CHD5: variants seen among roughly 807,000 people sequenced by gnomAD.
The protein encoded by CHD5 is chromodomain helicase DNA binding protein 5.
Under a neutral mutation model 230.3 loss-of-function variants are expected in CHD5, and 69 were observed. The observed-to-expected ratio is 0.30, with a 90% CI of 0.25 to 0.37. The LOEUF (loss-of-function observed/expected upper bound fraction) is 0.37. CHD5 is among the 10% of genes least tolerant of loss of function. The probability of loss-of-function intolerance (pLI) is 1.00; values close to 1 mark genes in which losing one functional copy is unlikely to be tolerated. For missense variants in CHD5, 1,827 were observed against 2,622.8 expected, an observed-to-expected ratio of 0.70 and a Z score of 6.63; for synonymous variants, 1,064 against 1,065.9, an observed-to-expected ratio of 1.00 and a Z score of 0.03.
intron 31 of CHD5, among the ~76,000 whole-genome samples, chr1:6,122,405 G>A (rs1280422522): frequency 6.6e-5 from 10 of 152,298 alleles, no homozygotes; most frequent in Non-Finnish European, 1.0e-4. Flanking sequence ...AGCGTCCTTG[G>A]CATCAGGGAA....
intron 37 of CHD5, 131 bp downstream of exon 37, chr1:6,110,263 G>A (rs1666263988): frequency 2.8e-6 from 3 of 1,072,618 alleles, no homozygotes; most frequent in African/African-American, 3.1e-5. Context: ...TGGACATACT[G>A]CTGCTTCGTG....
intron 33 of CHD5, chr1:6,113,464 A>G: frequency 4.1e-6 from 1 of 243,914 alleles, no homozygotes; most frequent in Non-Finnish European, 8.6e-6. Flanking sequence ...CCAAGAAGAG[A>G]AGGAAATCAC....
rs756677443 is a variant in CHD5 at position 6,159,424 on chromosome 1, T to C, written c.299A>G (p.Lys100Arg). The change falls in exon 3 of 42, where the codon AAG (lysine) becomes AGG (arginine). Residue 100 changes from lysine to arginine, a missense_variant. Coordinates refer to ENST00000262450, the MANE Select transcript of CHD5 (RefSeq NM_015557.3). ...CTCCTTCTTGTCCTTGAGTTTCTTC[T>C]TCTTCTTTTTATTCGGGGAGTAGTC... is the stretch of plus-strand genomic sequence containing the variant. ...GSDYSPNKKK[K>R]KKLKDKKEKK... is the part of the protein sequence containing the mutation. 4.5e-6 allele frequency: 7 copies of C among 1,567,168 alleles called. No homozygotes were observed. In the South Asian group the frequency reaches 8.2e-5, roughly 18 times the overall value.
rs559359538 is a variant in CHD5 at position 6,123,922 on chromosome 1, C to T, written c.4699+26G>A. 2.7e-5 allele frequency: 38 copies of T among 1,420,868 alleles called. No individual in the cohort carries two copies. In the South Asian group the frequency reaches 5.9e-4, roughly 22 times the overall value. 88.0% of individuals were successfully genotyped at this position (1,420,868 alleles called of 1,614,324 possible). A position where few individuals can be genotyped will look rare whatever the true frequency, so the allele number is the denominator to read the frequency against. On this transcript the variant is annotated intron_variant, in intron 31 of 41. Transcript: ENST00000262450. ...TGCCACTTTCCATGACCCCAGTGCC[C>T]TCCCCGGCCCGCCCAGCCCACAGAC...
intron 1 of CHD5, among the ~76,000 whole-genome samples, chr1:6,171,034 G>A (rs1421844831): frequency 6.6e-6 from 1 of 152,256 alleles, no homozygotes; most frequent in Non-Finnish European, 1.5e-5. Context: ...AATCTCGAGG[G>A]GGGGCCTCTC....
At chr1:6,138,484 C>T (rs1167025861) in intron 15 of CHD5, among the ~76,000 whole-genome samples, 3 of 152,174 alleles carry the variant, frequency 2.0e-5, no homozygotes, top group Admixed American at 6.5e-5. Flanking sequence ...CATTTTGCAC[C>T]GGTCTCCCCC....
intron 36 of CHD5, 68 bp from the exon 37 acceptor site, chr1:6,110,594 C>CAGG (rs1223106860): frequency 5.5e-6 from 8 of 1,453,572 alleles, no homozygotes; most frequent in Middle Eastern, 2.4e-4. Context: ...GGAGGCAGCT[C>CAGG]AGGGAGGGGG....
chr1:6,147,553 G>A (rs72852042), intron 9 of CHD5, among the ~76,000 whole-genome samples: 4,537 of 152,296 alleles, frequency 0.03, 231 homozygotes, highest in African/African-American at 0.1. Context: ...ATGGGTGGGA[G>A]CAGCCTTGGC....
rs750236652 is a variant in CHD5 at position 6,179,925 on chromosome 1, C to T, written c.79+20G>A. On this transcript the variant is annotated intron_variant, in intron 1 of 41. Coordinates refer to ENST00000262450, the MANE Select transcript of CHD5 (RefSeq NM_015557.3). ...GCGCCCCCGCCGCTCTGGCCCCAGGCGCACCCGCGCCCCGCTCACCTGACA... is the reference window on the plus strand; with the variant it reads ...GCGCCCCCGCCGCTCTGGCCCCAGGTGCACCCGCGCCCCGCTCACCTGACA... 22 of 1,273,330 alleles carry T rather than the reference C, an allele frequency of 1.7e-5. No homozygotes were observed. In the South Asian group the frequency reaches 2.9e-4, roughly 17 times the overall value. 78.9% of individuals were successfully genotyped at this position (1,273,330 alleles called of 1,614,324 possible).
intron 17 of CHD5, among the ~76,000 whole-genome samples, chr1:6,136,015 A>T (rs1052378854): frequency 3.8e-5 from 4 of 105,268 alleles, no homozygotes; most frequent in Non-Finnish European, 6.2e-5. Flanking sequence ...TTCTTTTAAT[A>T]AAAAAAAACA....
At position 6,136,841 on chromosome 1, in the gene CHD5, C is replaced by T. The variant is rs764789004; in HGVS notation, c.2461G>A (p.Val821Met). 11 of 1,610,750 alleles carry T rather than the reference C, an allele frequency of 6.8e-6. No homozygotes were observed. Among genetic ancestry groups the T allele is most frequent in the African/African-American group, 1.3e-5 (1 of 74,820 alleles). The part of the protein sequence containing the change: ...MKKEVQIKFH[V>M]LLTSYELITI... The stretch of plus-strand genomic sequence containing the variant: ...ATGAGCTCATAGGAGGTGAGCAGCA[C>T]GTGGAATTTGATCTGCACTTCTTTC... Residue 821 changes from valine (V) to methionine (M), a missense_variant, in exon 16 of 42, where the codon GTG becomes ATG. By Grantham distance (21) the Val-to-Met change is conservative (BLOSUM62 1). Around this residue, in one of 14 missense-constraint regions of CHD5, gnomAD observed 80 missense variants for 96.4 expected, o/e 0.83. Transcript: ENST00000262450.
At chr1:6,119,853 T>C (rs900549843) in intron 33 of CHD5, among the ~76,000 whole-genome samples, 5 of 125,364 alleles carry the variant, frequency 4.0e-5, no homozygotes, top group Non-Finnish European at 8.2e-5. Context: ...GTGTGTATTA[T>C]ATATATATAT....
chr1:6,117,393 T>A (rs1666395007), intron 33 of CHD5, among the ~76,000 whole-genome samples: 1 of 152,162 alleles, frequency 6.6e-6, no homozygotes, highest in African/African-American at 2.4e-5. Flanking sequence ...ATCATATATC[T>A]GATGAGGAAC....
At chr1:6,176,611 G>A (rs1414426090) in intron 1 of CHD5, among the ~76,000 whole-genome samples, 2 of 152,218 alleles carry the variant, frequency 1.3e-5, no homozygotes, top group South Asian at 4.1e-4. Flanking sequence ...GGAGAAGGCA[G>A]GACAGCTGCC....
chr1:6,168,383 TG>T (rs1338343643), intron 1 of CHD5, 106 bp from the exon 2 acceptor site: 1 of 1,384,676 alleles, frequency 7.2e-7, no homozygotes, highest in African/African-American at 1.4e-5. Flanking sequence ...GACACCCAAC[TG>T]TGCCAGGTCA....
chr1:6,128,953 G>A lies in CHD5; in HGVS notation c.3504C>T (p.Leu1168=), dbSNP rs147556218. The part of the protein sequence containing the change: ...ITQVAKRKMM[L]THLVVRPGLG... Reference sequence around the variant, plus strand: ...GGCCGGGCCGCACCACCAGGTGGGTGAGCATCATCTTGCGCTTGGCCACCT... The same window carrying A: ...GGCCGGGCCGCACCACCAGGTGGGTAAGCATCATCTTGCGCTTGGCCACCT... Residue 1168 remains leucine (L), a synonymous_variant, in exon 23 of 42, where the codon CTC becomes CTT. Coordinates refer to ENST00000262450, the MANE Select transcript of CHD5 (RefSeq NM_015557.3). This position sits in a 1 kb window ranked among gnomAD's most constrained non-coding sequence, Gnocchi z 7.8. 27 of 1,613,076 alleles carry A rather than the reference G, an allele frequency of 1.7e-5. No individual in the cohort carries two copies. Among genetic ancestry groups the A allele is most frequent in the Non-Finnish European group, 2.2e-5 (26 of 1,180,002 alleles).
At chr1:6,168,691 G>A (rs899824067) in intron 1 of CHD5, among the ~76,000 whole-genome samples, 3 of 152,166 alleles carry the variant, frequency 2.0e-5, no homozygotes, top group African/African-American at 7.2e-5. Flanking sequence ...TCCCTCCAGA[G>A]AGAGGACCAC....
rs151244873 is a variant in CHD5 at position 6,159,828 on chromosome 1, C to T, written c.208-313G>A. 5.2e-5 allele frequency among the ~76,000 whole-genome samples: 8 copies of T among 152,398 alleles called. No individual in the cohort carries two copies. In the East Asian group the frequency reaches 1.2e-3, roughly 22 times the overall value. On this transcript the variant is annotated intron_variant, in intron 2 of 41. Coordinates refer to ENST00000262450, the MANE Select transcript of CHD5 (RefSeq NM_015557.3). ...CCATCTGCAAGCTCGGCTCAGCCCA[C>T]TCCAGCAGCCCTGCGGGTGAACTCA...
In CHD5 at chr1:6,103,639, T is replaced by C. The variant is rs895217998; in HGVS notation, c.*1835A>G. 7.9e-5 allele frequency: 12 copies of C among 152,288 alleles called. No individual in the cohort carries two copies. The highest frequency in any genetic ancestry group is 2.9e-4 in the African/African-American group (12 of 41,442). The allele number at this position is 152,288 out of a possible 1,614,324, so 9.4% of individuals were successfully genotyped here. A position where few individuals can be genotyped will look rare whatever the true frequency, so the allele number is the denominator to read the frequency against. ...GGCACCGCAGAGCACACAACACGCA[T>C]GTGGATGAACCATAACATGTGAGCC... On this transcript the variant is annotated 3_prime_UTR_variant, in exon 42 of 42. Transcript: ENST00000262450.
Sources: gnomAD v4.1 joint callset for allele counts (sites outside exome capture counted in the v4.1 genomes callset) on GRCh38, gnomAD v4.1.1 for gene constraint, gnomAD v4.1.1 regional missense constraint, Gnocchi (gnomAD v3.1) non-coding constraint, MANE v1.5 for transcripts, NCBI Gene and HGNC (gene_info 2026-07-23, HGNC 2026-07-21) for gene names.